PCDHGA2: variants seen among roughly 807,000 people sequenced by gnomAD.
PCDHGA2 encodes protocadherin gamma subfamily A, 2.
A neutral mutation model predicts 59.2 loss-of-function variants in PCDHGA2; 40 were observed. That is an observed-to-expected ratio of 0.68 (90% CI 0.52 to 0.88). The LOEUF is 0.88. Ranked by LOEUF, PCDHGA2 falls within the 40% of genes least tolerant of loss-of-function variation. The pLI is 0.00. For synonymous variants in PCDHGA2, 560 were observed against 526.0 expected, an observed-to-expected ratio of 1.06 and a Z score of -0.89; for missense variants, 1,226 against 1,204.0, an observed-to-expected ratio of 1.02 and a Z score of -0.27.
At chr5:141,364,958 C>A in intron 1 of PCDHGA2, 4 of 1,613,958 alleles carry the variant, frequency 2.5e-6, no homozygotes, top group Non-Finnish European at 1.7e-6. Flanking sequence ...TGTTCACGAC[C>A]TCCTCCTCAC....
intron 1 of PCDHGA2, chr5:141,374,331 GC>G (rs1334948062): frequency 1.2e-6 from 2 of 1,614,024 alleles, no homozygotes; most frequent in Admixed American, 3.3e-5. Flanking sequence ...CGAAACGGCA[GC>G]TTGGTCACCG....
rs1387036035 is a variant in PCDHGA2, at chr5:141,432,158, A to G, written c.2425-62649A>G. ...CGCTTATATCCCAGAGAACAATCCC[A>G]GAGGAGTTTCCCTCGTCTCTGTGAC... is the stretch of plus-strand genomic sequence containing the variant. On this transcript the variant is annotated intron_variant, in intron 1 of 3. Coordinates refer to ENST00000394576, the MANE Select transcript of PCDHGA2 (RefSeq NM_018915.4). The surrounding 1 kb of genome is among the most constrained non-coding windows in gnomAD (Gnocchi z 6.0). The G allele has an allele frequency of 6.2e-7, 1 of 1,613,932 alleles. No individual in the cohort carries two copies. Among genetic ancestry groups the G allele is most frequent in the Non-Finnish European group, 8.5e-7 (1 of 1,180,002 alleles).
chr5:141,350,300 G>T (rs374907617), intron 1 of PCDHGA2: 1 of 1,520,078 alleles, frequency 6.6e-7, no homozygotes, highest in Non-Finnish European at 8.8e-7. Flanking sequence ...GAAAAGTCAG[G>T]TACTGTTTCC....
At chr5:141,401,856 T>C (rs778189763) in intron 1 of PCDHGA2, among the ~76,000 whole-genome samples, 2 of 152,228 alleles carry the variant, frequency 1.3e-5, no homozygotes, top group Non-Finnish European at 2.9e-5. Context: ...ACTTTTAACC[T>C]TTCAGTAGTT....
Position 141,454,796 on chromosome 5 carries a change from A to ATTT in PCDHGA2, c.2425-39984_2425-39982dup, listed in dbSNP as rs61612330. 3.3e-3 allele frequency among the ~76,000 whole-genome samples: 253 copies of ATTT among 77,450 alleles called. 31 individuals carry two copies. The highest frequency in any genetic ancestry group is 0.02 in the South Asian group (39 of 1,960). The allele number at this position is 77,450 out of a possible 152,430, so 50.8% of individuals were successfully genotyped here. ...AAGGAAATAATCCTCCATGGTTCTA[A>ATTT]TTTTTTTTTTTTTTTTTTTTTTTTT... On this transcript the variant is annotated intron_variant, in intron 1 of 3. Coordinates refer to ENST00000394576, the MANE Select transcript of PCDHGA2 (RefSeq NM_018915.4).
rs61612330 is a variant in PCDHGA2, at chr5:141,454,796, A to ATTTTTTTTTTTTTTTTTT, written c.2425-39999_2425-39982dup. Reference sequence around the variant, plus strand: ...AAGGAAATAATCCTCCATGGTTCTAATTTTTTTTTTTTTTTTTTTTTTTTT... The same window carrying ATTTTTTTTTTTTTTTTTT: ...AAGGAAATAATCCTCCATGGTTCTAATTTTTTTTTTTTTTTTTTTTTTTTTTTTTTTTTTTTTTTTTTT... On this transcript the variant is annotated intron_variant, in intron 1 of 3. Coordinates refer to ENST00000394576, the MANE Select transcript of PCDHGA2 (RefSeq NM_018915.4). 9.0e-4 allele frequency among the ~76,000 whole-genome samples: 70 copies of ATTTTTTTTTTTTTTTTTT among 77,458 alleles called. 9 individuals carry two copies. Among genetic ancestry groups the ATTTTTTTTTTTTTTTTTT allele is most frequent in the Non-Finnish European group, 1.1e-3 (48 of 42,814 alleles). The allele number at this position is 77,458 out of a possible 152,430, so 50.8% of individuals were successfully genotyped here. A position where few individuals can be genotyped will look rare whatever the true frequency, so the allele number is the denominator to read the frequency against.
chr5:141,460,553 C>A (rs2098991893), intron 1 of PCDHGA2, among the ~76,000 whole-genome samples: 1 of 152,032 alleles, frequency 6.6e-6, no homozygotes. Context: ...AATCAAAAAT[C>A]ATTTGGCCAT....
At chr5:141,480,085 A>G (rs2099512286) in intron 1 of PCDHGA2, among the ~76,000 whole-genome samples, 1 of 152,216 alleles carries the variant, frequency 6.6e-6, no homozygotes, top group Admixed American at 6.5e-5. Context: ...TGCATGATAT[A>G]ATGTATGCAA....
At chr5:141,500,667 TC>T (rs1032555959) in intron 2 of PCDHGA2, among the ~76,000 whole-genome samples, 26 of 152,194 alleles carry the variant, frequency 1.7e-4, no homozygotes, top group African/African-American at 6.0e-4. Flanking sequence ...GGCCATACTG[TC>T]CAACAGAATT....
intron 1 of PCDHGA2, chr5:141,400,205 C>CCACCACCA: frequency 6.2e-7 from 1 of 1,614,016 alleles, no homozygotes; most frequent in South Asian, 1.1e-5. Flanking sequence ...GTGGCCTTGG[C>CCACCACCA]CTTGATCTCA....
Position 141,477,388 on chromosome 5 carries a change from C to T in PCDHGA2, c.2425-17419C>T. The T allele has an allele frequency of 6.2e-7, 1 of 1,614,136 alleles. No homozygotes were observed. The highest frequency in any genetic ancestry group is 8.5e-7 in the Non-Finnish European group (1 of 1,180,014). On this transcript the variant is annotated intron_variant, in intron 1 of 3. Transcript: ENST00000394576. The surrounding 1 kb of genome is among the most constrained non-coding windows in gnomAD (Gnocchi z 4.9). Reference sequence around the variant, plus strand: ...ATCGGGAGACTGTGCCAGAATACAACCTCAGCATCACCGCCCGAGACGCCG... The same window carrying T: ...ATCGGGAGACTGTGCCAGAATACAATCTCAGCATCACCGCCCGAGACGCCG...
At chr5:141,451,779 G>T (rs1284464259) in intron 1 of PCDHGA2, among the ~76,000 whole-genome samples, 1 of 152,070 alleles carries the variant, frequency 6.6e-6, no homozygotes, top group Non-Finnish European at 1.5e-5. Flanking sequence ...TACTCAGGAG[G>T]CTGAGGCCAG....
rs377387694 is a variant in PCDHGA2, at chr5:141,366,375, T to A, written c.2424+24980T>A. 19 of 1,614,096 alleles carry A rather than the reference T, an allele frequency of 1.2e-5. No homozygotes were observed. The highest frequency in any genetic ancestry group is 1.6e-5 in the Non-Finnish European group (19 of 1,180,036). On this transcript the variant is annotated intron_variant, in intron 1 of 3. Coordinates refer to ENST00000394576, the MANE Select transcript of PCDHGA2 (RefSeq NM_018915.4). Reference sequence around the variant, plus strand: ...GACCTAGGCAGTATCAAGACCCCCATTGACCCTGAGGATCTGGACCTCACA... The same window carrying A: ...GACCTAGGCAGTATCAAGACCCCCAATGACCCTGAGGATCTGGACCTCACA...
chr5:141,353,378 T>G (rs1759264179), intron 1 of PCDHGA2, among the ~76,000 whole-genome samples: 2 of 152,228 alleles, frequency 1.3e-5, no homozygotes, highest in Admixed American at 1.3e-4. Context: ...AATTATGTAT[T>G]AATGTAATTA....
chr5:141,432,427 C>G lies in PCDHGA2; in HGVS notation c.2425-62380C>G. 5 of 1,614,242 alleles carry G rather than the reference C, an allele frequency of 3.1e-6. No homozygotes were observed. The highest frequency in any genetic ancestry group is 4.2e-6 in the Non-Finnish European group (5 of 1,180,036). On this transcript the variant is annotated intron_variant, in intron 1 of 3. Transcript: ENST00000394576. The surrounding 1 kb of genome is among the most constrained non-coding windows in gnomAD (Gnocchi z 6.0). ...TGAGCCTGTTCGTGCTGGACCAGAA[C>G]GACAATGCGCCCGAGATCCTGTACC... is the stretch of plus-strand genomic sequence containing the variant.
At chr5:141,464,131 G>C (rs982496493) in intron 1 of PCDHGA2, among the ~76,000 whole-genome samples, 19 of 152,056 alleles carry the variant, frequency 1.2e-4, no homozygotes, top group Admixed American at 2.0e-4. Flanking sequence ...TGGGTGTGGT[G>C]GTGGGCGCCT....
At chr5:141,445,282 T>G (rs1023693067) in intron 1 of PCDHGA2, among the ~76,000 whole-genome samples, 4 of 152,220 alleles carry the variant, frequency 2.6e-5, no homozygotes, top group Non-Finnish European at 5.9e-5. Context: ...TCTGCATAAG[T>G]TCAGGCTTCC....
intron 3 of PCDHGA2, among the ~76,000 whole-genome samples, chr5:141,509,335 G>C (rs113423267): frequency 6.6e-6 from 1 of 152,144 alleles, no homozygotes; most frequent in African/African-American, 2.4e-5. Context: ...CTGCCAGCTG[G>C]GCCTGGGCTG....
At chr5:141,409,052 A>C in intron 1 of PCDHGA2, 2 of 1,614,050 alleles carry the variant, frequency 1.2e-6, no homozygotes, top group African/African-American at 1.3e-5. Context: ...CTTCCGAAGC[A>C]CTGCCCAGAG....
Sources: allele counts gnomAD v4.1 joint callset (sites outside exome capture counted in the v4.1 genomes callset), GRCh38; gene constraint gnomAD v4.1.1; non-coding constraint Gnocchi (gnomAD v3.1); transcripts MANE v1.5; gene names NCBI Gene and HGNC (gene_info 2026-07-23, HGNC 2026-07-21).